The following RUSC1 variants were observed in gnomAD, a reference collection of about 807,000 sequenced individuals.
RUSC1 encodes RUN and SH3 domain containing 1.
RUSC1 carries 40 observed loss-of-function variants against 72.1 expected under a neutral mutation model. The ratio of observed to expected loss-of-function variants is 0.55; its 90% CI spans 0.43 to 0.72. The LOEUF (loss-of-function observed/expected upper bound fraction) is 0.72, where lower values mean the gene tolerates loss of function less well. Among genes scored for constraint, RUSC1 ranks in the 30% least tolerant of loss-of-function variants. The pLI, the probability that RUSC1 is intolerant of heterozygous loss-of-function variation, is 0.00. For synonymous variants in RUSC1, 512 were observed against 494.2 expected (o/e 1.04, Z -0.48); for missense variants, 1,092 against 1,172.3 (o/e 0.93, Z 1.00).
At chr1:155,329,016 G>T (rs898687268) in intron 9 of RUSC1, among the ~76,000 whole-genome samples, 4 of 152,010 alleles carry the variant, frequency 2.6e-5, no homozygotes, top group Admixed American at 1.3e-4. Flanking sequence ...TACAGGCATA[G>T]CTACTGCACC....
chr1:155,322,834 C>T lies in RUSC1; in HGVS notation c.1061C>T (p.Pro354Leu), dbSNP rs376306332. 79 of 1,613,200 alleles carry T rather than the reference C, an allele frequency of 4.9e-5. No individual in the cohort carries two copies. The highest frequency in any genetic ancestry group is 6.7e-5 in the Admixed American group (4 of 60,002). The change falls in exon 2 of 10, where the codon CCC (proline) becomes CTC (leucine). Residue 354 changes from proline (P) to leucine (L), a missense_variant. Pro to Leu is a moderately conservative substitution (Grantham distance 98, BLOSUM62 -3). Coordinates refer to ENST00000368352, the MANE Select transcript of RUSC1 (RefSeq NM_001105203.2). ...TTCTCGCCCGACACCGAGCTCCCCC[C>T]CTCGGGGTCGCCGGGCGGCTCCTCG... is the stretch of plus-strand genomic sequence containing the variant. ...IVFSPDTELP[P>L]SGSPGGSSAP...
chr1:155,324,315 C>G, intron 2 of RUSC1: 1 of 1,574,396 alleles, frequency 6.4e-7, no homozygotes, highest in Non-Finnish European at 8.6e-7. Flanking sequence ...GAGGCTGCTG[C>G]GGGACCCGGG....
intron 2 of RUSC1, chr1:155,324,179 C>A (rs1305585101): frequency 1.4e-6 from 2 of 1,383,984 alleles, no homozygotes; most frequent in Non-Finnish European, 1.9e-6. Context: ...CTCGGGCCTG[C>A]CCCCCGACCT....
rs927093361 is a variant in RUSC1, at chr1:155,321,855, C to T, written c.82C>T (p.Arg28Cys). The change falls in exon 2 of 10, where the codon CGC (arginine) becomes TGC (cysteine). Residue 28 changes from arginine to cysteine, a missense_variant. Coordinates refer to ENST00000368352, the MANE Select transcript of RUSC1 (RefSeq NM_001105203.2). ...QHVSLGLHLS[R>C]RPELQEGPLS... Reference sequence around the variant, plus strand: ...CGTCTCCCTGGGCCTGCACTTGTCCCGCCGTCCTGAGCTACAGGAGGGGCC... The same window carrying T: ...CGTCTCCCTGGGCCTGCACTTGTCCTGCCGTCCTGAGCTACAGGAGGGGCC... 2 of 1,613,702 alleles carry T rather than the reference C, an allele frequency of 1.2e-6. No homozygotes were observed. The highest frequency in any genetic ancestry group is 1.3e-5 in the African/African-American group (1 of 74,932).
Position 155,330,802 on chromosome 1 carries a change from T to C in RUSC1, c.*231T>C, listed in dbSNP as rs1215931653. ...AAGGAATTGCCCTCCAGGTAATCCC[T>C]TTCCTTTTTCCCGTCTATATAAGGG... On this transcript the variant is annotated 3_prime_UTR_variant, in exon 10 of 10. Coordinates refer to ENST00000368352, the MANE Select transcript of RUSC1 (RefSeq NM_001105203.2). 1 of 457,410 alleles carries C rather than the reference T, an allele frequency of 2.2e-6. No individual in the cohort carries two copies. The highest frequency in any genetic ancestry group is 4.0e-5 in the East Asian group (1 of 24,814). The allele number at this position is 457,410 out of a possible 1,614,324, so 28.3% of individuals were successfully genotyped here. A position where few individuals can be genotyped will look rare whatever the true frequency, so the allele number is the denominator to read the frequency against.
chr1:155,324,448 A>G, intron 2 of RUSC1: 1 of 1,612,610 alleles, frequency 6.2e-7, no homozygotes, highest in East Asian at 2.2e-5. Context: ...GGGGCTCCGC[A>G]GGCAGGACTG....
At position 155,326,328 on chromosome 1, in the gene RUSC1, G is replaced by GTCC; in HGVS notation, c.1862-243_1862-241dup. 3 of 570,180 alleles carry GTCC rather than the reference G, an allele frequency of 5.3e-6. No individual in the cohort carries two copies. The highest frequency in any genetic ancestry group is 4.6e-4 in the Middle Eastern group (1 of 2,184). The allele number at this position is 570,180 out of a possible 1,614,324, so 35.3% of individuals were successfully genotyped here. On this transcript the variant is annotated intron_variant, in intron 7 of 9. Transcript: ENST00000368352. This position sits in a 1 kb window ranked among gnomAD's most constrained non-coding sequence, Gnocchi z 4.7. Reference sequence around the variant, plus strand: ...TTGTATGTGCTTCTATGGCTCTCCTGTCCTCCTCCTCTGTAGCCTTTGCAC... The same window carrying GTCC: ...TTGTATGTGCTTCTATGGCTCTCCTGTCCTCCTCCTCCTCTGTAGCCTTTGCAC...
In RUSC1 at chr1:155,322,818, G is replaced by C. The variant is rs1311592359; in HGVS notation, c.1045G>C (p.Asp349His). ...TGACTGGCTCATAGTCTTCTCGCCCGACACCGAGCTCCCCCCCTCGGGGTC... is the reference window on the plus strand; with the variant it reads ...TGACTGGCTCATAGTCTTCTCGCCCCACACCGAGCTCCCCCCCTCGGGGTC... The part of the protein sequence containing the change: ...RSDWLIVFSP[D>H]TELPPSGSPG... The change falls in exon 2 of 10, where the codon GAC becomes CAC. Residue 349 changes from aspartate to histidine, a missense_variant. Physicochemically the swap from Asp to His is moderately conservative, Grantham distance 81. Coordinates refer to ENST00000368352, the MANE Select transcript of RUSC1 (RefSeq NM_001105203.2). The C allele has an allele frequency of 6.2e-7, 1 of 1,613,818 alleles. No individual in the cohort carries two copies. The highest frequency in any genetic ancestry group is 8.5e-7 in the Non-Finnish European group (1 of 1,179,914).
rs773946545 is a variant in RUSC1 at position 155,324,962 on chromosome 1, C to T, written c.1456+19C>T. On this transcript the variant is annotated intron_variant, in intron 3 of 9. Coordinates refer to ENST00000368352, the MANE Select transcript of RUSC1 (RefSeq NM_001105203.2). ...AAGAAAGGTAGGGCACCCTGACTCC[C>T]GACCCCGCGCTTCCGAATAAACTGC... 1 of 1,614,078 alleles carries T rather than the reference C, an allele frequency of 6.2e-7. No individual in the cohort carries two copies. Among genetic ancestry groups the T allele is most frequent in the South Asian group, 1.1e-5 (1 of 91,084 alleles).
Position 155,326,701 on chromosome 1 carries a change from G to A in RUSC1, c.1983G>A (p.Leu661=), listed in dbSNP as rs1346207656. The A allele has an allele frequency of 3.7e-6, 6 of 1,613,458 alleles. No individual in the cohort carries two copies. Among genetic ancestry groups the A allele is most frequent in the Non-Finnish European group, 5.1e-6 (6 of 1,180,036 alleles). ...CATTGTCGGTGCTCACTTTCCACCT[G>A]GACCTGCTCTTTGAGCACCACCACC... ...LQPLSVLTFH[L]DLLFEHHHHL... The change falls in exon 8 of 10, where the codon CTG becomes CTA. Residue 661 remains leucine (L), a synonymous_variant. Transcript: ENST00000368352. The surrounding 1 kb of genome is among the most constrained non-coding windows in gnomAD (Gnocchi z 4.7).
rs557424172 is a variant in RUSC1 at position 155,324,976 on chromosome 1, C to G, written c.1456+33C>G. The G allele has an allele frequency of 1.7e-5, 28 of 1,614,058 alleles. No homozygotes were observed. The South Asian group carries it at 2.5e-4, about 15-fold the overall frequency. ...ACCCTGACTCCCGACCCCGCGCTTCCGAATAAACTGCCCTTCGCCCCCGGC... is the reference window on the plus strand; with the variant it reads ...ACCCTGACTCCCGACCCCGCGCTTCGGAATAAACTGCCCTTCGCCCCCGGC... On this transcript the variant is annotated intron_variant, in intron 3 of 9. Transcript: ENST00000368352.
Position 155,321,004 on chromosome 1 carries a change from C to A in RUSC1, c.-87+13C>A, listed in dbSNP as rs1052882207. The A allele has an allele frequency of 6.6e-7, 1 of 1,506,186 alleles. No individual in the cohort carries two copies. The highest frequency in any genetic ancestry group is 2.8e-5 in the East Asian group (1 of 35,398). 93.3% of individuals were successfully genotyped at this position (1,506,186 alleles called of 1,614,324 possible). A position where few individuals can be genotyped will look rare whatever the true frequency, so the allele number is the denominator to read the frequency against. On this transcript the variant is annotated intron_variant, in intron 1 of 9. Coordinates refer to ENST00000368352, the MANE Select transcript of RUSC1 (RefSeq NM_001105203.2). Reference sequence around the variant, plus strand: ...CAGGAGGACCCTGGTGAGGAGGGCTCGGCCCATGGGTGTAGACCGATGGAC... The same window carrying A: ...CAGGAGGACCCTGGTGAGGAGGGCTAGGCCCATGGGTGTAGACCGATGGAC...
In RUSC1 at chr1:155,322,624, C is replaced by T; in HGVS notation, c.851C>T (p.Thr284Ile). 17 of 1,614,268 alleles carry T rather than the reference C, an allele frequency of 1.1e-5. No homozygotes were observed. Among genetic ancestry groups the T allele is most frequent in the Non-Finnish European group, 1.4e-5 (17 of 1,180,038 alleles). ...DSGWKTNTRITDSGSKTDAGK... is the reference protein window; with the variant it reads ...DSGWKTNTRIIDSGSKTDAGK... The stretch of plus-strand genomic sequence containing the variant: ...GGTTGGAAAACCAACACAAGAATAA[C>T]TGATTCTGGCTCGAAAACAGATGCA... Residue 284 changes from threonine to isoleucine, a missense_variant, in exon 2 of 10, where the codon ACT becomes ATT. Physicochemically the swap from Thr to Ile is moderately conservative, Grantham distance 89. Transcript: ENST00000368352.
Position 155,330,947 on chromosome 1 carries a change from CCTT to C in RUSC1, c.*378_*380del. 1 of 171,490 alleles carries C rather than the reference CCTT, an allele frequency of 5.8e-6. No homozygotes were observed. Among genetic ancestry groups the C allele is most frequent in the Non-Finnish European group, 1.3e-5 (1 of 78,364 alleles). 10.6% of individuals were successfully genotyped at this position (171,490 alleles called of 1,614,324 possible). A position where few individuals can be genotyped will look rare whatever the true frequency, so the allele number is the denominator to read the frequency against. ...CCAAGCCTAGAAGGACCTCTAGTCT[CCTT>C]CCTGTGTGGAATCTTCCCCACTCCA... is the stretch of plus-strand genomic sequence containing the variant. On this transcript the variant is annotated 3_prime_UTR_variant, in exon 10 of 10. Coordinates refer to ENST00000368352, the MANE Select transcript of RUSC1 (RefSeq NM_001105203.2).
chr1:155,321,879 C>A lies in RUSC1; in HGVS notation c.106C>A (p.Pro36Thr), dbSNP rs766740538. The A allele has an allele frequency of 3.7e-6, 6 of 1,613,176 alleles. No homozygotes were observed. The highest frequency in any genetic ancestry group is 1.7e-5 in the Admixed American group (1 of 59,980). ...LSRRPELQEG[P>T]LSTPPPPGDT... ...CCGCCGTCCTGAGCTACAGGAGGGG[C>A]CTTTGAGCACACCCCCTCCTCCAGG... is the stretch of plus-strand genomic sequence containing the variant. Residue 36 changes from proline to threonine, a missense_variant, in exon 2 of 10, where the codon CCT (proline) becomes ACT (threonine). Transcript: ENST00000368352.
rs759157940 is a variant in RUSC1 at position 155,325,559 on chromosome 1, G to A, written c.1709-8G>A. 7 of 1,608,912 alleles carry A rather than the reference G, an allele frequency of 4.4e-6. No homozygotes were observed. Among genetic ancestry groups the A allele is most frequent in the South Asian group, 1.1e-5 (1 of 91,076 alleles). ...CCGGGCTTGGCTGACTGCACCCCAC[G>A]TTCTCAGGCTCCAGCACCCGCTCCC... On this transcript the variant is annotated splice_region_variant and splice_polypyrimidine_tract_variant and intron_variant, in intron 5 of 9. Transcript: ENST00000368352. The surrounding 1 kb of genome is among the most constrained non-coding windows in gnomAD (Gnocchi z 6.5).
At position 155,330,175 on chromosome 1, in the gene RUSC1, G is replaced by GAGA. The variant is rs796206762; in HGVS notation, c.2541-225_2541-223dup. Reference sequence around the variant, plus strand: ...CCTGTGTTGAATTTGAAGCACCATTGAGAAGTGCAAATAGTGTCAAATAAG... The same window carrying GAGA: ...CCTGTGTTGAATTTGAAGCACCATTGAGAAGAAGTGCAAATAGTGTCAAATAAG... On this transcript the variant is annotated intron_variant, in intron 9 of 9. Transcript: ENST00000368352. 6.6e-5 allele frequency among the ~76,000 whole-genome samples: 10 copies of GAGA among 152,220 alleles called. 1 individual carries two copies. Among genetic ancestry groups the GAGA allele is most frequent in the African/African-American group, 2.4e-4 (10 of 41,530 alleles).
chr1:155,321,516 T>C, intron 1 of RUSC1, 172 bp from the exon 2 acceptor site: 17 of 1,436,412 alleles, frequency 1.2e-5, no homozygotes, highest in Non-Finnish European at 1.5e-5. Context: ...CGACTCCATC[T>C]GCAAACACTG....
intron 9 of RUSC1, among the ~76,000 whole-genome samples, chr1:155,329,317 C>A (rs936980916): frequency 2.0e-5 from 3 of 150,810 alleles, no homozygotes; most frequent in Non-Finnish European, 4.4e-5. Context: ...AACTCCTGGC[C>A]TCAAGGAATC....
Sources: allele counts gnomAD v4.1 joint callset (sites outside exome capture counted in the v4.1 genomes callset), GRCh38; gene constraint gnomAD v4.1.1; non-coding constraint Gnocchi (gnomAD v3.1); transcripts MANE v1.5; gene names NCBI Gene and HGNC (gene_info 2026-07-23, HGNC 2026-07-21).